The following GPM6B variants were observed in gnomAD, a reference collection of about 807,000 sequenced individuals.
The protein encoded by GPM6B is neuronal membrane glycoprotein M6-b.
GPM6B carries 4 observed loss-of-function variants against 27.2 expected under a neutral mutation model. The observed-to-expected ratio is 0.15, with a 90% CI of 0.07 to 0.34. The LOEUF (loss-of-function observed/expected upper bound fraction) is 0.34. Ranked by LOEUF, GPM6B falls within the 10% of genes least tolerant of loss-of-function variation. The pLI, the probability that GPM6B is intolerant of heterozygous loss-of-function variation, is 1.00. For synonymous variants in GPM6B, 124 were observed against 103.1 expected, an observed-to-expected ratio of 1.20 and a Z score of -1.23; for missense variants, 183 against 261.9, an observed-to-expected ratio of 0.70 and a Z score of 2.08.
intron 1 of GPM6B, among the ~76,000 whole-genome samples, chrX:13,928,472 C>A (rs1748559345): frequency 8.9e-6 from 1 of 112,236 alleles, no homozygotes; most frequent in African/African-American, 3.2e-5. Context: ...GGTAAGAATT[C>A]ATAGGATGGA....
chrX:13,836,730 C>CTA (rs2049498779), intron 1 of GPM6B, among the ~76,000 whole-genome samples: 1 of 112,604 alleles, frequency 8.9e-6, no homozygotes, highest in Admixed American at 9.4e-5. Flanking sequence ...CTTTCATGAA[C>CTA]TATACAGAAC....
At chrX:13,849,552 G>A (rs941548952) in intron 1 of GPM6B, among the ~76,000 whole-genome samples, 7 of 112,238 alleles carry the variant, frequency 6.2e-5, no homozygotes, top group Admixed American at 2.8e-4. Flanking sequence ...TGATTACTCT[G>A]GATTACACTA....
rs111377492 is a variant in GPM6B, at chrX:13,892,798, T to C, written c.-198+45529A>G. Among the ~76,000 whole-genome samples, 106 of 112,157 alleles carry C rather than the reference T, an allele frequency of 9.5e-4. 1 individual carries two copies. Among genetic ancestry groups the C allele is most frequent in the African/African-American group, 3.2e-3 (99 of 30,898 alleles). On this transcript the variant is annotated intron_variant, in intron 1 of 6. Transcript: ENST00000398361. The stretch of plus-strand genomic sequence containing the variant: ...TTGCAAATAACAAAATCTTTACCTG[T>C]AATCTCAGCACTTTGGGAGGCCGAG...
chrX:13,916,577 A>G (rs2050430450), intron 1 of GPM6B, among the ~76,000 whole-genome samples: 1 of 111,073 alleles, frequency 9.0e-6, no homozygotes, highest in Non-Finnish European at 1.9e-5. Flanking sequence ...GTTCCCAGGC[A>G]CCCACGCCAA....
chrX:13,835,144 T>C (rs1053570922), intron 1 of GPM6B, among the ~76,000 whole-genome samples: 1 of 112,090 alleles, frequency 8.9e-6, no homozygotes, highest in Non-Finnish European at 1.9e-5. Context: ...TACATGAATG[T>C]TGGGTCCATG....
At chrX:13,905,944 A>C in intron 1 of GPM6B, among the ~76,000 whole-genome samples, 1 of 111,842 alleles carries the variant, frequency 8.9e-6, no homozygotes. Flanking sequence ...TCAGAATTGT[A>C]AAAAGAGGCA....
intron 1 of GPM6B, among the ~76,000 whole-genome samples, chrX:13,910,074 A>G (rs758761045): frequency 4.5e-5 from 5 of 111,837 alleles, no homozygotes; most frequent in Non-Finnish European, 9.4e-5. Context: ...TTACTGATAA[A>G]ACTGTGGAAC....
intron 1 of GPM6B, among the ~76,000 whole-genome samples, chrX:13,871,079 A>AAAAACAAAACAAAAC (rs1555924628): frequency 1.2e-5 from 1 of 85,405 alleles, no homozygotes; most frequent in Non-Finnish European, 2.3e-5. Context: ...AAACAAAAAC[A>AAAAACAAAACAAAAC]AAAACAAAAC....
At chrX:13,803,704 T>C (rs367655504) in intron 2 of GPM6B, among the ~76,000 whole-genome samples, 1 of 111,913 alleles carries the variant, frequency 8.9e-6, no homozygotes, top group East Asian at 2.8e-4. Flanking sequence ...TGAGAGACAT[T>C]TGAGAATTTC....
At chrX:13,779,344 T>C (rs1197239256) in intron 5 of GPM6B, among the ~76,000 whole-genome samples, 4 of 112,513 alleles carry the variant, frequency 3.6e-5, no homozygotes, top group Admixed American at 2.8e-4. Flanking sequence ...TCTAATGTTG[T>C]ATTTTTCAAT....
chrX:13,924,957 C>A (rs1432634340), intron 1 of GPM6B, among the ~76,000 whole-genome samples: 1 of 112,195 alleles, frequency 8.9e-6, no homozygotes, highest in Admixed American at 9.4e-5. Context: ...ACAATGAAAT[C>A]AATATCTTTC....
In GPM6B at chrX:13,855,979, T is replaced by C. The variant is rs1331926574; in HGVS notation, c.-197-70171A>G. 3.6e-5 allele frequency among the ~76,000 whole-genome samples: 4 copies of C among 111,156 alleles called. No individual in the cohort carries two copies. The Admixed American group carries it at 3.8e-4, about 11-fold the overall frequency. ...TACAACTAGATGGATCCCAGGGCCC[T>C]TGCAGCTGTACAATTCTAACAGTCA... On this transcript the variant is annotated intron_variant, in intron 1 of 6. Transcript: ENST00000398361.
At chrX:13,938,132 G>A (rs900844496) in intron 1 of GPM6B, among the ~76,000 whole-genome samples, 12 of 110,488 alleles carry the variant, frequency 1.1e-4, no homozygotes, top group African/African-American at 3.3e-4. Flanking sequence ...GAGCGTCCCG[G>A]GAAACAGGCA....
At chrX:13,818,823 G>A (rs755626750), upstream of GPM6B, among the ~76,000 whole-genome samples, 35 of 112,431 alleles carry the variant, frequency 3.1e-4, 1 homozygote, top group African/African-American at 7.8e-4. Flanking sequence ...ATAGAAAGGT[G>A]GCAAGTGTTG....
intron 1 of GPM6B, among the ~76,000 whole-genome samples, chrX:13,852,773 C>CTTTTT (rs386416656): frequency 2.2e-4 from 20 of 88,992 alleles, no homozygotes; most frequent in African/African-American, 6.8e-4. Context: ...ACAACAAAAA[C>CTTTTT]TTTTTTTTTT....
At chrX:13,787,041 CAA>C (rs869123073) in intron 2 of GPM6B, among the ~76,000 whole-genome samples, 11 of 24,508 alleles carry the variant, frequency 4.5e-4, no homozygotes, top group Admixed American at 1.5e-3. Context: ...ATTAAGCCAG[CAA>C]AAAAAAAAAA....
At chrX:13,858,387 AG>A (rs1359441445) in intron 1 of GPM6B, among the ~76,000 whole-genome samples, 7 of 111,452 alleles carry the variant, frequency 6.3e-5, no homozygotes, top group African/African-American at 2.3e-4. Context: ...GTGGGTAGGA[AG>A]TTGGGGGAGA....
chrX:13,785,842 G>A (rs759046688), intron 2 of GPM6B, 34 bp from the exon 3 acceptor site: 9 of 1,092,832 alleles, frequency 8.2e-6, no homozygotes, highest in Non-Finnish European at 1.1e-5. Flanking sequence ...TAGCCGTTAC[G>A]GGCAAGAACA....
intron 5 of GPM6B, among the ~76,000 whole-genome samples, chrX:13,779,176 A>G (rs912812520): frequency 2.7e-5 from 3 of 111,855 alleles, no homozygotes; most frequent in African/African-American, 9.8e-5. Context: ...AAATTAACTG[A>G]CAGGAGGAGC....
Sources: allele counts gnomAD v4.1 joint callset (sites outside exome capture counted in the v4.1 genomes callset), GRCh38; gene constraint gnomAD v4.1.1; transcripts MANE v1.5; gene names NCBI Gene and HGNC (gene_info 2026-07-23, HGNC 2026-07-21).